ALAS1: variants seen among roughly 807,000 people sequenced by gnomAD.
The protein encoded by ALAS1 is 5-aminolevulinate synthase, non-specific, mitochondrial.
Under a neutral mutation model 59.6 loss-of-function variants are expected in ALAS1, and 29 were observed. The ratio of observed to expected loss-of-function variants is 0.49; its 90% CI spans 0.36 to 0.66. The LOEUF (loss-of-function observed/expected upper bound fraction) is 0.66. Ranked by LOEUF, ALAS1 falls within the 30% of genes least tolerant of loss-of-function variation. The pLI is 0.00. For missense variants in ALAS1, 690 were observed against 807.5 expected (o/e 0.85, Z 1.76); for synonymous variants, 299 against 296.6 (o/e 1.01, Z -0.08).
Position 52,212,434 on chromosome 3 carries a change from G to T in ALAS1, c.1762+14G>T. On this transcript the variant is annotated intron_variant, in intron 11 of 11. Coordinates refer to ENST00000484952, the MANE Select transcript of ALAS1 (RefSeq NM_000688.6). The stretch of plus-strand genomic sequence containing the variant: ...ACTACTTCCTTGGTGAGTACCTGGG[G>T]AGCTGCTGGTGCCTCACTGAGGAGT... The T allele has an allele frequency of 6.2e-7, 1 of 1,613,694 alleles. No homozygotes were observed. The highest frequency in any genetic ancestry group is 1.1e-5 in the South Asian group (1 of 91,066).
intron 3 of ALAS1, among the ~76,000 whole-genome samples, chr3:52,202,094 A>T (rs1170862835): frequency 6.6e-6 from 1 of 152,228 alleles, no homozygotes; most frequent in Admixed American, 6.5e-5. Context: ...TCACGCCTAT[A>T]ATCCCAGCAC....
chr3:52,207,070 C>G (rs1009665195), intron 8 of ALAS1, among the ~76,000 whole-genome samples: 1 of 145,100 alleles, frequency 6.9e-6, no homozygotes, highest in Non-Finnish European at 1.5e-5. Context: ...GTGGCGTGAT[C>G]TCGGCTCACT....
chr3:52,212,471 G>A, intron 11 of ALAS1, 51 bp downstream of exon 11: 1 of 1,602,944 alleles, frequency 6.2e-7, no homozygotes, highest in South Asian at 1.1e-5. Context: ...GCATAAAGCT[G>A]TCTTTGCAGT....
chr3:52,212,558 T>G, intron 11 of ALAS1, 138 bp downstream of exon 11: 2 of 1,157,396 alleles, frequency 1.7e-6, no homozygotes, highest in South Asian at 2.7e-5. Flanking sequence ...GAGACAAGAG[T>G]TTCGCTCTTG....
chr3:52,200,719 TTTG>T (rs372793222), intron 3 of ALAS1, among the ~76,000 whole-genome samples: 190 of 152,344 alleles, frequency 1.2e-3, no homozygotes, highest in African/African-American at 3.9e-3. Flanking sequence ...TGTATATACA[TTTG>T]TTGTTGTTGT....
intron 3 of ALAS1, among the ~76,000 whole-genome samples, chr3:52,202,255 C>T (rs577432514): frequency 2.0e-5 from 3 of 152,198 alleles, no homozygotes; most frequent in African/African-American, 7.2e-5. Flanking sequence ...GAGGCTGAGG[C>T]ATGAGAATCA....
intron 9 of ALAS1, among the ~76,000 whole-genome samples, chr3:52,209,439 C>G (rs1336446050): frequency 2.0e-5 from 3 of 152,058 alleles, no homozygotes; most frequent in Non-Finnish European, 2.9e-5. Flanking sequence ...AATCTCCTGA[C>G]CACGTGATCT....
chr3:52,206,117 A>G, intron 7 of ALAS1, 94 bp downstream of exon 7: 1 of 1,187,192 alleles, frequency 8.4e-7, no homozygotes, highest in Non-Finnish European at 1.2e-6. Context: ...AGAACCTCTC[A>G]ATTGAAAATC....
At chr3:52,205,785 T>G in intron 6 of ALAS1, 54 bp from the exon 7 acceptor site, 2 of 1,510,820 alleles carry the variant, frequency 1.3e-6, no homozygotes, top group Non-Finnish European at 1.8e-6. Flanking sequence ...AAAATTCACA[T>G]GGTGTTGAGA....
rs765468923 is a variant in ALAS1 at position 52,206,003 on chromosome 3, C to A, written c.965C>A (p.Thr322Asn). 1 of 1,610,686 alleles carries A rather than the reference C, an allele frequency of 6.2e-7. No individual in the cohort carries two copies. Among genetic ancestry groups the A allele is most frequent in the Non-Finnish European group, 8.5e-7 (1 of 1,177,950 alleles). Residue 322 changes from threonine (T) to asparagine (N), a missense_variant, in exon 7 of 12, where the codon ACC becomes AAC. By Grantham distance (65) the Thr-to-Asn change is moderately conservative (BLOSUM62 0). Transcript: ENST00000484952. ...CFVANDSTLF[T>N]LAKMMPGCEI... ...GTGGCCAATGACTCAACCCTCTTCA[C>A]CCTGGCTAAGATGATGCCAGGTAAG...
chr3:52,208,009 G>A, intron 8 of ALAS1, 74 bp from the exon 9 acceptor site: 1 of 1,416,860 alleles, frequency 7.1e-7, no homozygotes, highest in Non-Finnish European at 9.4e-7. Flanking sequence ...AGTTTACGTT[G>A]TTCTGACTCT....
chr3:52,214,169 G>C lies in ALAS1; in HGVS notation c.1912G>C (p.Ala638Pro). The C allele has an allele frequency of 6.2e-7, 1 of 1,604,602 alleles. No individual in the cohort carries two copies. Among genetic ancestry groups the C allele is most frequent in the Non-Finnish European group, 8.5e-7 (1 of 1,171,848 alleles). Residue 638 changes from alanine to proline, a missense_variant, in exon 12 of 12, where the codon GCT becomes CCT. Physicochemically the swap from Ala to Pro is conservative, Grantham distance 27. Transcript: ENST00000484952. ...CTCAGGCTTGAGCAAGTTGGTATCT[G>C]CTCAGGCCTGAGCATGACCTCAATT... is the stretch of plus-strand genomic sequence containing the variant. ...YFSGLSKLVS[A>P]QA
intron 7 of ALAS1, 115 bp downstream of exon 7, chr3:52,206,138 C>A: frequency 9.8e-7 from 1 of 1,019,470 alleles, no homozygotes; most frequent in Non-Finnish European, 1.4e-6. Context: ...ATAATCCTAT[C>A]TGGGCATTTG....
At position 52,212,252 on chromosome 3, in the gene ALAS1, A is replaced by C. The variant is rs1162862875; in HGVS notation, c.1600-6A>C. On this transcript the variant is annotated splice_region_variant and splice_polypyrimidine_tract_variant and intron_variant, in intron 10 of 11. Coordinates refer to ENST00000484952, the MANE Select transcript of ALAS1 (RefSeq NM_000688.6). ...TGACCTTACCTTCTGCTCTCATTGA[A>C]CTTAGGTTGCAGATGCTGCTAAAAA... The C allele has an allele frequency of 3.1e-6, 5 of 1,612,420 alleles. No individual in the cohort carries two copies. The highest frequency in any genetic ancestry group is 1.7e-4 in the Middle Eastern group (1 of 5,734).
At chr3:52,211,765 C>T (rs1299100423) in intron 10 of ALAS1, among the ~76,000 whole-genome samples, 1 of 152,194 alleles carries the variant, frequency 6.6e-6, no homozygotes, top group Non-Finnish European at 1.5e-5. Context: ...CAGAAGTTCC[C>T]TCTCCGGAGC....
Position 52,200,112 on chromosome 3 carries a change from G to A in ALAS1, c.199+672G>A, listed in dbSNP as rs4687815. On this transcript the variant is annotated intron_variant, in intron 3 of 11. Transcript: ENST00000484952. ...ATTGCAGGCGTGAGCCACCGTGCCC[G>A]GCCCCTTTGGCTTTTTAAAGTAGTG... Among the ~76,000 whole-genome samples, 896 of 152,224 alleles carry A rather than the reference G, an allele frequency of 5.9e-3. 27 individuals are homozygous for A. The highest frequency in any genetic ancestry group is 0.044 in the Admixed American group (678 of 15,282).
intron 6 of ALAS1, among the ~76,000 whole-genome samples, chr3:52,205,151 A>T (rs749838242): frequency 1.3e-5 from 2 of 152,224 alleles, no homozygotes; most frequent in African/African-American, 4.8e-5. Flanking sequence ...CTCAATGACC[A>T]CACACGTCAG....
chr3:52,201,215 G>C (rs1699180350), intron 3 of ALAS1, among the ~76,000 whole-genome samples: 1 of 152,210 alleles, frequency 6.6e-6, no homozygotes, highest in South Asian at 2.1e-4. Context: ...ATTTGCTCAA[G>C]GGGAGAGGGA....
intron 3 of ALAS1, among the ~76,000 whole-genome samples, chr3:52,200,878 AG>A (rs1245228855): frequency 1.3e-5 from 2 of 151,754 alleles, no homozygotes; most frequent in Non-Finnish European, 2.9e-5. Context: ...TAAGAAAATA[AG>A]TTTTTTTTTT....
Sources: gnomAD v4.1 joint callset for allele counts (sites outside exome capture counted in the v4.1 genomes callset) on GRCh38, gnomAD v4.1.1 for gene constraint, MANE v1.5 for transcripts, NCBI Gene and HGNC (gene_info 2026-07-23, HGNC 2026-07-21) for gene names.